THSD4: variants seen among roughly 807,000 people sequenced by gnomAD.
THSD4 encodes thrombospondin type 1 domain containing 4.
THSD4 carries 69 observed loss-of-function variants against 119.0 expected under a neutral mutation model. That is an observed-to-expected ratio of 0.58 (90% CI 0.48 to 0.71). THSD4 has a LOEUF of 0.71. Among genes scored for constraint, THSD4 ranks in the 30% least tolerant of loss-of-function variants. THSD4 has a pLI of 0.00. For synonymous variants in THSD4, 524 were observed against 540.4 expected (o/e 0.97, Z 0.42); for missense variants, 1,393 against 1,391.1 (o/e 1.00, Z -0.02).
rs548463756 is a variant in THSD4, at chr15:71,451,393, C to T, written c.1152+39570C>T. Reference sequence around the variant, plus strand: ...CTCCTGTGATCCCAGTTAATCTTCCCATGTTGAGAAGATTCCCAGGGAGCA... The same window carrying T: ...CTCCTGTGATCCCAGTTAATCTTCCTATGTTGAGAAGATTCCCAGGGAGCA... On this transcript the variant is annotated intron_variant, in intron 7 of 17. Transcript: ENST00000261862. 9.9e-4 allele frequency among the ~76,000 whole-genome samples: 151 copies of T among 152,286 alleles called. 4 individuals are homozygous for T. In the South Asian group the frequency reaches 0.03, roughly 31 times the overall value.
intron 3 of THSD4, among the ~76,000 whole-genome samples, chr15:71,160,570 T>C (rs2043240575): frequency 1.3e-5 from 2 of 152,086 alleles, no homozygotes; most frequent in Non-Finnish European, 2.9e-5. Context: ...CAGGAATTTA[T>C]CCATTTATTC....
intron 8 of THSD4, among the ~76,000 whole-genome samples, chr15:71,706,349 C>G (rs1352316975): frequency 2.0e-5 from 3 of 151,628 alleles, no homozygotes; most frequent in African/African-American, 7.3e-5. Flanking sequence ...CAGGAGGAGG[C>G]AGGGATGGGA....
chr15:71,615,901 G>C (rs2050311466), intron 7 of THSD4, among the ~76,000 whole-genome samples: 1 of 152,146 alleles, frequency 6.6e-6, no homozygotes, highest in African/African-American at 2.4e-5. Flanking sequence ...GTTCTCAGAG[G>C]CATCTTGTTT....
At chr15:71,618,325 G>A (rs2050355110) in intron 7 of THSD4, among the ~76,000 whole-genome samples, 1 of 152,070 alleles carries the variant, frequency 6.6e-6, no homozygotes. Context: ...TACACTTTAG[G>A]GCACCTCTCC....
intron 7 of THSD4, among the ~76,000 whole-genome samples, chr15:71,535,362 T>TTA (rs753676280): frequency 3.9e-5 from 6 of 152,238 alleles, no homozygotes; most frequent in Non-Finnish European, 1.5e-5. Flanking sequence ...ATACCACATT[T>TTA]TATATATATC....
chr15:71,749,697 T>TTATTTA lies in THSD4; in HGVS notation c.2415+1104_2415+1105insATTTAT, dbSNP rs61573060. Among the ~76,000 whole-genome samples, 199 of 137,664 alleles carry TTATTTA rather than the reference T, an allele frequency of 1.4e-3. 5 individuals carry two copies. Among genetic ancestry groups the TTATTTA allele is most frequent in the African/African-American group, 5.1e-3 (188 of 37,098 alleles). The allele number at this position is 137,664 out of a possible 152,430, so 90.3% of individuals were successfully genotyped here. A position where few individuals can be genotyped will look rare whatever the true frequency, so the allele number is the denominator to read the frequency against. Reference sequence around the variant, plus strand: ...TTTTAATATTTTTATATTTTTAAATTTTTATTTATTTATTTATTTATTTAT... The same window carrying TTATTTA: ...TTTTAATATTTTTATATTTTTAAATTTATTTATTTATTTATTTATTTATTTATTTAT... On this transcript the variant is annotated intron_variant, in intron 14 of 17. Coordinates refer to ENST00000261862, the MANE Select transcript of THSD4 (RefSeq NM_024817.3).
At chr15:71,412,349 C>A (rs1385662285) in intron 7 of THSD4, among the ~76,000 whole-genome samples, 1 of 152,188 alleles carries the variant, frequency 6.6e-6, no homozygotes. Context: ...TCCAGGAACA[C>A]CCCGCCTGGC....
chr15:71,513,762 C>G (rs1177544578), intron 7 of THSD4, among the ~76,000 whole-genome samples: 1 of 152,056 alleles, frequency 6.6e-6, no homozygotes, highest in African/African-American at 2.4e-5. Context: ...CGTAGTAGCT[C>G]AAAACTGGAA....
chr15:71,742,221 AATT>A (rs1235839442), intron 11 of THSD4, among the ~76,000 whole-genome samples: 1 of 152,136 alleles, frequency 6.6e-6, no homozygotes, highest in Non-Finnish European at 1.5e-5. Context: ...TTCATGGTCA[AATT>A]TCCCTTTGTC....
chr15:71,619,765 G>A (rs569449284), intron 7 of THSD4, among the ~76,000 whole-genome samples: 1 of 152,326 alleles, frequency 6.6e-6, no homozygotes, highest in African/African-American at 2.4e-5. Flanking sequence ...ACTTTATTTG[G>A]TAGGTGGAAA....
At chr15:71,356,509 G>A (rs1308573339) in intron 6 of THSD4, among the ~76,000 whole-genome samples, 1 of 152,036 alleles carries the variant, frequency 6.6e-6, no homozygotes, top group Non-Finnish European at 1.5e-5. Flanking sequence ...AAAGATACTT[G>A]GTACATAGTA....
chr15:71,361,058 CT>C (rs2045886633), intron 6 of THSD4, among the ~76,000 whole-genome samples: 1 of 151,990 alleles, frequency 6.6e-6, no homozygotes, highest in South Asian at 2.1e-4. Flanking sequence ...ATAGAGTGTC[CT>C]GAAAGAAAAA....
chr15:71,431,347 G>T (rs2046941052), intron 7 of THSD4, among the ~76,000 whole-genome samples: 1 of 152,260 alleles, frequency 6.6e-6, no homozygotes, highest in South Asian at 2.1e-4. Flanking sequence ...TAATCTCAAA[G>T]TCATTAGCAG....
intron 7 of THSD4, among the ~76,000 whole-genome samples, chr15:71,655,260 G>C (rs903179913): frequency 6.6e-6 from 1 of 152,098 alleles, no homozygotes; most frequent in Admixed American, 6.5e-5. Flanking sequence ...GGCCTTTTTC[G>C]ACAGGTACCG....
chr15:71,274,108 T>C (rs1035035867), intron 6 of THSD4, among the ~76,000 whole-genome samples: 2 of 150,518 alleles, frequency 1.3e-5, no homozygotes, highest in African/African-American at 4.9e-5. Context: ...TGAGTGACAG[T>C]CTCGCCAAGA....
chr15:71,723,565 T>C (rs142836984), intron 8 of THSD4, among the ~76,000 whole-genome samples: 9 of 152,246 alleles, frequency 5.9e-5, no homozygotes, highest in Non-Finnish European at 1.5e-5. Flanking sequence ...ACTCTCAAAC[T>C]GTAATGGAGA....
At chr15:71,686,403 A>C (rs2141040957) in intron 8 of THSD4, among the ~76,000 whole-genome samples, 1 of 152,280 alleles carries the variant, frequency 6.6e-6, no homozygotes, top group Non-Finnish European at 1.5e-5. Context: ...CTGTCTACTG[A>C]ATCAGGGCTA....
intron 3 of THSD4, among the ~76,000 whole-genome samples, chr15:71,174,901 T>C (rs1311062361): frequency 1.3e-5 from 2 of 150,984 alleles, no homozygotes; most frequent in African/African-American, 4.8e-5. Context: ...AGGCAGGGTA[T>C]TCCAACAGAC....
chr15:71,123,776 A>G (rs759775994), intron 1 of THSD4, among the ~76,000 whole-genome samples: 17 of 152,208 alleles, frequency 1.1e-4, no homozygotes, highest in African/African-American at 2.4e-5. Flanking sequence ...AGGAAGTAGA[A>G]GCCTGTTGTG....
Sources: gnomAD v4.1 joint callset for allele counts (sites outside exome capture counted in the v4.1 genomes callset) on GRCh38, gnomAD v4.1.1 for gene constraint, MANE v1.5 for transcripts, NCBI Gene and HGNC (gene_info 2026-07-23, HGNC 2026-07-21) for gene names.